Variants in PKD1L1 observed in about 807,000 individuals in gnomAD.
PKD1L1 encodes the protein polycystin-1-like protein 1.
Under a neutral mutation model 323.4 loss-of-function variants are expected in PKD1L1, and 236 were observed. That is an observed-to-expected ratio of 0.73 (90% confidence interval 0.66 to 0.81). PKD1L1 has a LOEUF of 0.81. Ranked by LOEUF, PKD1L1 falls within the 40% of genes least tolerant of loss-of-function variation. PKD1L1 has a pLI of 0.00. For synonymous variants in PKD1L1, 1,344 were observed against 1,335.0 expected, an observed-to-expected ratio of 1.01 and a Z score of -0.15; for missense variants, 3,320 against 3,508.0, an observed-to-expected ratio of 0.95 and a Z score of 1.35.
chr7:47,953,285 C>T (rs1298867551), upstream of PKD1L1, among the ~76,000 whole-genome samples: 1 of 152,186 alleles, frequency 6.6e-6, no homozygotes, highest in Non-Finnish European at 1.5e-5. Flanking sequence ...GAGTAGTATA[C>T]AATTATCCGT....
rs2128755251 is a variant in PKD1L1, at chr7:47,929,295, C to T, written c.969G>A (p.Met323Ile). 1 of 1,614,210 alleles carries T rather than the reference C, an allele frequency of 6.2e-7. No homozygotes were observed. Among genetic ancestry groups the T allele is most frequent in the Non-Finnish European group, 8.5e-7 (1 of 1,180,040 alleles). ...HMASGEALCL[M>I]MDFGDSSGVE... ...CCCCAGAACTGTCCCCGAAATCCATCATCAGACAGAGAGCCTCTCCAGAAG... is the reference window on the plus strand; with the variant it reads ...CCCCAGAACTGTCCCCGAAATCCATTATCAGACAGAGAGCCTCTCCAGAAG... Residue 323 changes from methionine to isoleucine, a missense_variant, in exon 7 of 57, where the codon ATG becomes ATA. By Grantham distance (10) the Met-to-Ile change is conservative (BLOSUM62 1). Transcript: ENST00000289672.
chr7:47,873,041 T>G (rs755564430), intron 24 of PKD1L1, among the ~76,000 whole-genome samples: 1 of 152,212 alleles, frequency 6.6e-6, no homozygotes, highest in Non-Finnish European at 1.5e-5. Context: ...AACATTCACA[T>G]GCTCAGTGAA....
At chr7:47,818,644 CAGG>C (rs1475460000) in intron 46 of PKD1L1, among the ~76,000 whole-genome samples, 1 of 152,144 alleles carries the variant, frequency 6.6e-6, no homozygotes, top group African/African-American at 2.4e-5. Context: ...CCAAATGAGC[CAGG>C]AGTATTCTGG....
rs534567535 is a variant in PKD1L1 at position 47,798,577 on chromosome 7, G to A, written c.8193+2072C>T. On this transcript the variant is annotated intron_variant, in intron 54 of 56. Transcript: ENST00000289672. ...TCGAGACCAGCCTTACCAACATGAC[G>A]AAACCCTGTCTCTACTAAAAATACA... Among the ~76,000 whole-genome samples, 17 of 152,094 alleles carry A rather than the reference G, an allele frequency of 1.1e-4. No homozygotes were observed. In the East Asian group the frequency reaches 1.5e-3, roughly 14 times the overall value.
chr7:47,873,649 CAAAAA>C (rs57012071), intron 24 of PKD1L1, among the ~76,000 whole-genome samples: 1 of 78,092 alleles, frequency 1.3e-5, no homozygotes, highest in Admixed American at 1.5e-4. Context: ...GACTCTGTCT[CAAAAA>C]AAAAAAAAAA....
chr7:47,792,471 T>C (rs1786972294), intron 56 of PKD1L1, among the ~76,000 whole-genome samples, 156 bp downstream of exon 56: 1 of 152,232 alleles, frequency 6.6e-6, no homozygotes, highest in Non-Finnish European at 1.5e-5. Context: ...AGTGGTTCTT[T>C]AGTTCTGGCC....
At chr7:47,786,388 G>A (rs1786808074) in intron 56 of PKD1L1, among the ~76,000 whole-genome samples, 1 of 152,162 alleles carries the variant, frequency 6.6e-6, no homozygotes, top group Non-Finnish European at 1.5e-5. Context: ...AGAGTTCAGA[G>A]CACAAACCTT....
intron 50 of PKD1L1, among the ~76,000 whole-genome samples, chr7:47,810,944 C>T (rs1426461036): frequency 1.3e-5 from 2 of 152,108 alleles, no homozygotes; most frequent in Non-Finnish European, 2.9e-5. Context: ...GGGCTCTGGT[C>T]CTATAGGATT....
intron 34 of PKD1L1, among the ~76,000 whole-genome samples, chr7:47,841,828 A>G (rs941491498): frequency 6.6e-6 from 1 of 152,188 alleles, no homozygotes; most frequent in African/African-American, 2.4e-5. Flanking sequence ...TCCATGTTAT[A>G]AATAGTTATT....
chr7:47,865,746 T>C (rs1395474250), intron 25 of PKD1L1, among the ~76,000 whole-genome samples: 89 of 138,164 alleles, frequency 6.4e-4, no homozygotes, highest in African/African-American at 2.6e-3. Flanking sequence ...CCACCACACC[T>C]GGCTAATTTT....
intron 48 of PKD1L1, chr7:47,813,521 G>A (rs1784948040): frequency 5.7e-6 from 4 of 697,930 alleles, no homozygotes; most frequent in Non-Finnish European, 1.0e-5. Flanking sequence ...AGCTGTGTAT[G>A]GTTCTAAGGC....
At chr7:47,850,230 A>AT (rs1387678626) in intron 31 of PKD1L1, among the ~76,000 whole-genome samples, 6 of 152,256 alleles carry the variant, frequency 3.9e-5, no homozygotes, top group African/African-American at 1.4e-4. Context: ...ATAACAAGGT[A>AT]TAAGAATAAG....
At chr7:47,775,813 A>G (rs1350404798) in intron 56 of PKD1L1, among the ~76,000 whole-genome samples, 2 of 110,542 alleles carry the variant, frequency 1.8e-5, no homozygotes, top group African/African-American at 6.1e-5. Context: ...GCTGTAGATA[A>G]CAGAAAAAAA....
chr7:47,830,439 T>G (rs1029254798), intron 42 of PKD1L1, among the ~76,000 whole-genome samples: 1 of 152,160 alleles, frequency 6.6e-6, no homozygotes, highest in Non-Finnish European at 1.5e-5. Flanking sequence ...ATAATAATAA[T>G]AGCAGCAACA....
In PKD1L1 at chr7:47,808,173, T is replaced by C; in HGVS notation, c.7827+74A>G. The C allele has an allele frequency of 3.2e-6, 5 of 1,548,370 alleles. No homozygotes were observed. In the South Asian group the frequency reaches 5.9e-5, roughly 18 times the overall value. On this transcript the variant is annotated intron_variant, in intron 52 of 56. Coordinates refer to ENST00000289672, the MANE Select transcript of PKD1L1 (RefSeq NM_138295.5). ...CTGTTGTCTCGCACCTTCTAGAGTT[T>C]GTGTGACCTCTGCCTTTTGGATGGC...
intron 14 of PKD1L1, among the ~76,000 whole-genome samples, chr7:47,895,068 C>T (rs1786907448): frequency 6.6e-6 from 1 of 152,168 alleles, no homozygotes; most frequent in African/African-American, 2.4e-5. Context: ...GCCTCTCCAG[C>T]TCCAAGGAGC....
chr7:47,911,341 G>A (rs965450743), intron 8 of PKD1L1, among the ~76,000 whole-genome samples: 3 of 152,140 alleles, frequency 2.0e-5, no homozygotes, highest in South Asian at 2.1e-4. Context: ...GTCGGCACCC[G>A]TGCTTACTGT....
At chr7:47,901,047 A>T (rs75270948) in intron 13 of PKD1L1, among the ~76,000 whole-genome samples, 2,229 of 152,250 alleles carry the variant, frequency 0.015, 48 homozygotes, top group African/African-American at 0.051. Context: ...CACGTAAAAT[A>T]AAGAAAAAAT....
chr7:47,934,944 A>G (rs1364809976), intron 4 of PKD1L1, among the ~76,000 whole-genome samples: 6 of 152,184 alleles, frequency 3.9e-5, no homozygotes, highest in Admixed American at 3.9e-4. Context: ...AGGGCCCAAG[A>G]CAGACTGTGG....
Sources: gnomAD v4.1 joint callset for allele counts (sites outside exome capture counted in the v4.1 genomes callset) on GRCh38, gnomAD v4.1.1 for gene constraint, MANE v1.5 for transcripts, NCBI Gene and HGNC (gene_info 2026-07-23, HGNC 2026-07-21) for gene names.